The following CEP85 variants were observed in gnomAD, a reference collection of about 807,000 sequenced individuals.
CEP85 encodes centrosomal protein of 85 kDa.
CEP85 carries 58 observed loss-of-function variants against 93.7 expected under a neutral mutation model. The observed-to-expected ratio is 0.62, with a 90% CI of 0.50 to 0.77. CEP85 has a LOEUF of 0.77. CEP85 is among the 30% of genes least tolerant of loss of function. The probability of loss-of-function intolerance (pLI) is 0.00; values close to 1 mark genes in which losing one functional copy is unlikely to be tolerated. For missense variants in CEP85, 868 were observed against 922.0 expected (o/e 0.94, Z 0.76); for synonymous variants, 314 against 338.6 (o/e 0.93, Z 0.80).
intron 3 of CEP85, among the ~76,000 whole-genome samples, chr1:26,249,271 G>A (rs1322067876): frequency 1.3e-5 from 2 of 152,164 alleles, no homozygotes; most frequent in Non-Finnish European, 2.9e-5. Flanking sequence ...TAGTAAAGAC[G>A]GGGTTTCACC....
At chr1:26,258,543 A>T (rs1386311482) in intron 6 of CEP85, among the ~76,000 whole-genome samples, 3 of 106,066 alleles carry the variant, frequency 2.8e-5, no homozygotes, top group South Asian at 5.3e-4. Flanking sequence ...GAGAAGTCTT[A>T]ATTTTCTAGC....
At chr1:26,249,817 C>G (rs1227571166) in intron 3 of CEP85, among the ~76,000 whole-genome samples, 1 of 152,120 alleles carries the variant, frequency 6.6e-6, no homozygotes, top group Non-Finnish European at 1.5e-5. Flanking sequence ...GGCAAAACCC[C>G]AAAGTTTTTG....
At chr1:26,250,306 A>G (rs2089585774) in intron 3 of CEP85, among the ~76,000 whole-genome samples, 4 of 152,192 alleles carry the variant, frequency 2.6e-5, no homozygotes, top group African/African-American at 7.2e-5. Context: ...TGGTGACATT[A>G]GATTCTCATA....
At chr1:26,259,428 T>C (rs111993196) in intron 6 of CEP85, among the ~76,000 whole-genome samples, 189 bp from the exon 7 acceptor site, 7 of 152,330 alleles carry the variant, frequency 4.6e-5, no homozygotes, top group African/African-American at 1.7e-4. Context: ...GCTTAAGACA[T>C]TGCATTGCTA....
intron 7 of CEP85, among the ~76,000 whole-genome samples, 182 bp from the exon 8 acceptor site, chr1:26,268,299 CAT>C (rs2089921831): frequency 6.6e-6 from 1 of 152,094 alleles, no homozygotes; most frequent in African/African-American, 2.4e-5. Flanking sequence ...CTCTACAAAA[CAT>C]AGAAAAATTA....
chr1:26,236,713 A>G (rs1260650115), intron 1 of CEP85, among the ~76,000 whole-genome samples: 2 of 152,228 alleles, frequency 1.3e-5, no homozygotes, highest in African/African-American at 4.8e-5. Context: ...GTGGCCCCTG[A>G]CACAGCCCTC....
chr1:26,242,191 A>G (rs1429182242), intron 2 of CEP85, among the ~76,000 whole-genome samples: 1 of 152,224 alleles, frequency 6.6e-6, no homozygotes, highest in Non-Finnish European at 1.5e-5. Context: ...GTAGCGATGA[A>G]GAGTGGAAGA....
intron 7 of CEP85, among the ~76,000 whole-genome samples, chr1:26,264,084 G>T (rs113428164): frequency 1.3e-5 from 2 of 152,118 alleles, no homozygotes; most frequent in African/African-American, 4.8e-5. Context: ...TTGTTTCATG[G>T]GTACAGTATC....
At chr1:26,253,963 C>T (rs1057111247) in intron 3 of CEP85, among the ~76,000 whole-genome samples, 3 of 151,856 alleles carry the variant, frequency 2.0e-5, no homozygotes, top group Non-Finnish European at 4.4e-5. Flanking sequence ...CCACTGTGCT[C>T]CAGCCTGGGT....
intron 6 of CEP85, 76 bp downstream of exon 6, chr1:26,258,336 T>C: frequency 4.3e-6 from 4 of 928,680 alleles, no homozygotes; most frequent in Non-Finnish European, 7.0e-6. Context: ...CCATTAGGTA[T>C]CCAGGAGATA....
intron 2 of CEP85, among the ~76,000 whole-genome samples, chr1:26,240,702 C>T (rs1231060916): frequency 2.6e-5 from 4 of 152,096 alleles, no homozygotes; most frequent in Non-Finnish European, 5.9e-5. Flanking sequence ...TGAGACCAGC[C>T]TGGCCAACAT....
rs2089491369 is a variant in CEP85, at chr1:26,245,242, T to A, written c.208+924T>A. Among the ~76,000 whole-genome samples, 2 of 151,508 alleles carry A rather than the reference T, an allele frequency of 1.3e-5. 1 individual carries two copies. Among genetic ancestry groups the A allele is most frequent in the South Asian group, 4.2e-4 (2 of 4,804 alleles). On this transcript the variant is annotated intron_variant, in intron 3 of 13. Coordinates refer to ENST00000451429, the MANE Select transcript of CEP85 (RefSeq NM_001319944.2). ...TGAGATCTTGCTATATAGCCCAGGC[T>A]GGTCTCAAACTCTTTGCCTGAAACG... is the stretch of plus-strand genomic sequence containing the variant.
At position 26,277,385 on chromosome 1, in the gene CEP85, C is replaced by G; in HGVS notation, c.*92C>G. 2 of 1,310,654 alleles carry G rather than the reference C, an allele frequency of 1.5e-6. No individual in the cohort carries two copies. Among genetic ancestry groups the G allele is most frequent in the Non-Finnish European group, 1.1e-6 (1 of 937,970 alleles). 81.2% of individuals were successfully genotyped at this position (1,310,654 alleles called of 1,614,324 possible). A position where few individuals can be genotyped will look rare whatever the true frequency, so the allele number is the denominator to read the frequency against. On this transcript the variant is annotated 3_prime_UTR_variant, in exon 14 of 14. Transcript: ENST00000451429. ...CCTGACATTCTCTTGTCTGCTATTC[C>G]CAGAGAGGTCTCAGAGGGGAGGGGA...
chr1:26,238,792 A>G (rs1254151196), intron 1 of CEP85, among the ~76,000 whole-genome samples: 3 of 152,198 alleles, frequency 2.0e-5, no homozygotes, highest in Non-Finnish European at 2.9e-5. Context: ...GTTCAAGTGT[A>G]TTTGTTTAGA....
At chr1:26,269,220 C>T (rs552508847) in intron 8 of CEP85, 18 of 500,558 alleles carry the variant, frequency 3.6e-5, no homozygotes, top group African/African-American at 1.2e-4. Flanking sequence ...AATAGGGGAA[C>T]GACATAGCAG....
chr1:26,248,699 T>C (rs931195940), intron 3 of CEP85, among the ~76,000 whole-genome samples: 15 of 139,840 alleles, frequency 1.1e-4, no homozygotes, highest in African/African-American at 4.0e-4. Context: ...TTTCACCATG[T>C]TGGCCAGTCT....
chr1:26,266,051 T>C (rs1030252186), intron 7 of CEP85, among the ~76,000 whole-genome samples: 1 of 151,904 alleles, frequency 6.6e-6, no homozygotes, highest in Non-Finnish European at 1.5e-5. Context: ...CTACCAATAA[T>C]ACAAAAAATT....
chr1:26,244,698 G>A (rs1384904400), intron 3 of CEP85, among the ~76,000 whole-genome samples: 2 of 152,022 alleles, frequency 1.3e-5, no homozygotes, highest in East Asian at 3.9e-4. Flanking sequence ...TTTTTTGTGT[G>A]TTTTTATAGA....
chr1:26,269,558 G>T lies in CEP85; in HGVS notation c.1593G>T (p.Glu531Asp). The T allele has an allele frequency of 6.2e-7, 1 of 1,614,100 alleles. No individual in the cohort carries two copies. The highest frequency in any genetic ancestry group is 8.5e-7 in the Non-Finnish European group (1 of 1,179,994). ...CCCAGGCAATCTGCAGAGAGAAGGA[G>T]ATTCAACTGGAAAGCCTGAGGCAGA... ...EETQAICREK[E>D]IQLESLRQRE... The change falls in exon 9 of 14, where the codon GAG (glutamate) becomes GAT (aspartate). Residue 531 changes from glutamate to aspartate, a missense_variant. By Grantham distance (45) the Glu-to-Asp change is conservative (BLOSUM62 2). Coordinates refer to ENST00000451429, the MANE Select transcript of CEP85 (RefSeq NM_001319944.2).
Sources: gnomAD v4.1 joint callset for allele counts (sites outside exome capture counted in the v4.1 genomes callset) on GRCh38, gnomAD v4.1.1 for gene constraint, MANE v1.5 for transcripts, NCBI Gene and HGNC (gene_info 2026-07-23, HGNC 2026-07-21) for gene names.